The following SLC9A9 variants were observed in gnomAD, a reference collection of about 807,000 sequenced individuals.
SLC9A9 encodes sodium/hydrogen exchanger 9.
SLC9A9 carries 62 observed loss-of-function variants against 77.8 expected under a neutral mutation model. That is an observed-to-expected ratio of 0.80 (90% confidence interval 0.65 to 0.98). SLC9A9 has a LOEUF of 0.98. Ranked by LOEUF, SLC9A9 falls within the 50% of genes least tolerant of loss-of-function variation. SLC9A9 has a pLI of 0.00. For synonymous variants in SLC9A9, 320 were observed against 283.5 expected, an observed-to-expected ratio of 1.13 and a Z score of -1.29; for missense variants, 775 against 774.9, an observed-to-expected ratio of 1.00 and a Z score of 0.00.
chr3:143,593,746 T>C (rs1441302042), intron 6 of SLC9A9, among the ~76,000 whole-genome samples: 2 of 152,202 alleles, frequency 1.3e-5, no homozygotes, highest in East Asian at 1.9e-4. Context: ...GCCTACCTTA[T>C]CACTTAATGC....
At chr3:143,832,246 G>T in intron 1 of SLC9A9, 25 bp from the exon 2 acceptor site, 1 of 1,586,530 alleles carries the variant, frequency 6.3e-7, no homozygotes, top group Non-Finnish European at 8.6e-7. Flanking sequence ...ATAAATAATG[G>T]TACTGGAGGA....
chr3:143,493,104 G>C (rs556061888), intron 11 of SLC9A9, among the ~76,000 whole-genome samples: 1 of 152,146 alleles, frequency 6.6e-6, no homozygotes, highest in African/African-American at 2.4e-5. Context: ...ATCAATCAGT[G>C]CCCAGAACTC....
intron 5 of SLC9A9, among the ~76,000 whole-genome samples, chr3:143,678,815 T>C (rs1456467665): frequency 6.6e-6 from 1 of 152,226 alleles, no homozygotes; most frequent in Non-Finnish European, 1.5e-5. Context: ...CCTTAAATTT[T>C]TGTATGAATT....
At chr3:143,746,565 G>C (rs191223729) in intron 4 of SLC9A9, among the ~76,000 whole-genome samples, 10 of 152,234 alleles carry the variant, frequency 6.6e-5, no homozygotes, top group African/African-American at 2.2e-4. Context: ...CTCAATCAAT[G>C]TGTTTTAGAG....
chr3:143,741,328 T>A (rs565071124), intron 4 of SLC9A9, among the ~76,000 whole-genome samples: 1 of 151,924 alleles, frequency 6.6e-6, no homozygotes, highest in Admixed American at 6.6e-5. Flanking sequence ...TAGAAGGAAA[T>A]ACCAACGGCC....
chr3:143,615,147 C>A (rs1457534497), intron 6 of SLC9A9, among the ~76,000 whole-genome samples: 2 of 152,148 alleles, frequency 1.3e-5, no homozygotes, highest in African/African-American at 4.8e-5. Flanking sequence ...CTAGCAGACC[C>A]AGAGGCCTGT....
At chr3:143,770,820 A>G (rs971493067) in intron 4 of SLC9A9, among the ~76,000 whole-genome samples, 7 of 152,208 alleles carry the variant, frequency 4.6e-5, no homozygotes, top group African/African-American at 1.7e-4. Flanking sequence ...ACGTAAGATG[A>G]GCTCCTGCAA....
chr3:143,663,405 T>A (rs1299419487), intron 5 of SLC9A9, among the ~76,000 whole-genome samples: 3 of 152,190 alleles, frequency 2.0e-5, no homozygotes, highest in African/African-American at 4.8e-5. Flanking sequence ...GAGCACCTCT[T>A]CTCCTCCAAA....
intron 12 of SLC9A9, among the ~76,000 whole-genome samples, chr3:143,426,467 C>T (rs1400178272): frequency 6.6e-6 from 1 of 152,138 alleles, no homozygotes; most frequent in Non-Finnish European, 1.5e-5. Context: ...TTAAAATACC[C>T]AGCTCAGAGT....
At chr3:143,271,000 T>C (rs1937880997) in intron 14 of SLC9A9, among the ~76,000 whole-genome samples, 2 of 152,228 alleles carry the variant, frequency 1.3e-5, no homozygotes, top group African/African-American at 2.4e-5. Flanking sequence ...TTGAGTGATA[T>C]CTCGCACTGT....
chr3:143,532,936 T>C (rs144585022), intron 9 of SLC9A9, among the ~76,000 whole-genome samples: 2 of 152,300 alleles, frequency 1.3e-5, no homozygotes, highest in African/African-American at 2.4e-5. Context: ...GAAGAGTCTC[T>C]TCTCAAGGAC....
intron 5 of SLC9A9, among the ~76,000 whole-genome samples, chr3:143,691,342 T>G (rs1933457404): frequency 6.6e-6 from 1 of 152,090 alleles, no homozygotes; most frequent in South Asian, 2.1e-4. Context: ...AGGGTTGGGT[T>G]TATAGGCATG....
intron 13 of SLC9A9, among the ~76,000 whole-genome samples, chr3:143,373,798 A>T (rs193291103): frequency 2.0e-5 from 3 of 152,184 alleles, no homozygotes; most frequent in Admixed American, 6.5e-5. Context: ...ATTAAAATAG[A>T]CTAATACCTA....
chr3:143,721,003 G>C (rs1230447635), intron 4 of SLC9A9, among the ~76,000 whole-genome samples: 4 of 152,224 alleles, frequency 2.6e-5, no homozygotes, highest in African/African-American at 9.6e-5. Flanking sequence ...GAGCCCTAGA[G>C]TTCGAGACCA....
chr3:143,296,007 A>G (rs1286968724), intron 14 of SLC9A9, among the ~76,000 whole-genome samples: 1 of 152,190 alleles, frequency 6.6e-6, no homozygotes, highest in Non-Finnish European at 1.5e-5. Flanking sequence ...TGCAATAGTT[A>G]ATAATGTGGC....
At chr3:143,674,557 A>AGCCG (rs1472144447) in intron 5 of SLC9A9, among the ~76,000 whole-genome samples, 5 of 152,096 alleles carry the variant, frequency 3.3e-5, no homozygotes, top group African/African-American at 1.2e-4. Flanking sequence ...AGCGACACCT[A>AGCCG]GCCGTGATTT....
chr3:143,283,430 T>G (rs1938284597), intron 14 of SLC9A9, among the ~76,000 whole-genome samples: 2 of 152,112 alleles, frequency 1.3e-5, no homozygotes, highest in Non-Finnish European at 2.9e-5. Context: ...TCACTCCCCC[T>G]GGAAAGCCCT....
intron 14 of SLC9A9, among the ~76,000 whole-genome samples, chr3:143,323,529 G>A (rs567791674): frequency 6.6e-6 from 1 of 152,160 alleles, no homozygotes; most frequent in Non-Finnish European, 1.5e-5. Flanking sequence ...TGATTACATG[G>A]AGGTAGAGAG....
At position 143,597,888 on chromosome 3, in the gene SLC9A9, T is replaced by A. The variant is rs972016073; in HGVS notation, c.756-19165A>T. 3.9e-5 allele frequency among the ~76,000 whole-genome samples: 6 copies of A among 152,176 alleles called. No individual in the cohort carries two copies. The South Asian group carries it at 8.3e-4, about 21-fold the overall frequency. ...CTTCAATTAACATTCTAATCATCAC[T>A]GTCAACGCCATTATGCAACTCTGTG... On this transcript the variant is annotated intron_variant, in intron 6 of 15. Coordinates refer to ENST00000316549, the MANE Select transcript of SLC9A9 (RefSeq NM_173653.4).
Sources: allele counts gnomAD v4.1 joint callset (sites outside exome capture counted in the v4.1 genomes callset), GRCh38; gene constraint gnomAD v4.1.1; transcripts MANE v1.5; gene names NCBI Gene and HGNC (gene_info 2026-07-23, HGNC 2026-07-21).